LRRIQ1: variants seen among roughly 807,000 people sequenced by gnomAD.
The protein encoded by LRRIQ1 is leucine-rich repeat- and IQ domain-containing protein 1.
Under a neutral mutation model 211.9 loss-of-function variants are expected in LRRIQ1, and 210 were observed. The observed-to-expected ratio is 0.99, with a 90% CI of 0.89 to 1.11. The LOEUF is 1.11. LRRIQ1 is among the 50% of genes most tolerant of loss of function. LRRIQ1 has a pLI of 0.00. For missense variants in LRRIQ1, 2,136 were observed against 1,939.5 expected, an observed-to-expected ratio of 1.10 and a Z score of -1.90; for synonymous variants, 699 against 650.1, an observed-to-expected ratio of 1.08 and a Z score of -1.14.
intron 11 of LRRIQ1, among the ~76,000 whole-genome samples, chr12:85,086,127 C>A (rs1380207123): frequency 6.6e-6 from 1 of 152,166 alleles, no homozygotes; most frequent in Non-Finnish European, 1.5e-5. Context: ...AATGGCCATT[C>A]TGACTAGTGT....
intron 17 of LRRIQ1, among the ~76,000 whole-genome samples, chr12:85,125,875 G>GAACTGAAAATATAGATA (rs1167182497): frequency 2.0e-5 from 3 of 152,074 alleles, no homozygotes; most frequent in Non-Finnish European, 4.4e-5. Flanking sequence ...TAAGGAAGAA[G>GAACTGAAAATATAGATA]AACTGAAAAT....
Position 85,163,173 on chromosome 12 carries a change from A to G in LRRIQ1, c.4822+2459A>G, listed in dbSNP as rs556949300. ...CAGTAGAGAGTGCCTCCTGAACCCA[A>G]TTCTTCTGAGATACAACTTTATTAT... On this transcript the variant is annotated intron_variant, in intron 24 of 26. Transcript: ENST00000393217. Among the ~76,000 whole-genome samples, 6 of 152,264 alleles carry G rather than the reference A, an allele frequency of 3.9e-5. No homozygotes were observed. The East Asian group carries it at 5.8e-4, about 15-fold the overall frequency.
chr12:85,122,690 G>C (rs2136432563), intron 16 of LRRIQ1, among the ~76,000 whole-genome samples: 1 of 152,010 alleles, frequency 6.6e-6, no homozygotes, highest in Non-Finnish European at 1.5e-5. Context: ...TTCGTTTTCT[G>C]TGTAAATATT....
At chr12:85,205,035 G>T (rs771923041) in intron 24 of LRRIQ1, among the ~76,000 whole-genome samples, 97 of 152,208 alleles carry the variant, frequency 6.4e-4, no homozygotes, top group Non-Finnish European at 1.2e-3. Flanking sequence ...AATCAGGGGG[G>T]TGGTTTCTCT....
At position 85,104,089 on chromosome 12, in the gene LRRIQ1, A is replaced by G; in HGVS notation, c.3283+12A>G. 7.5e-7 allele frequency: 1 copy of G among 1,329,076 alleles called. No individual in the cohort carries two copies. Among genetic ancestry groups the G allele is most frequent in the Non-Finnish European group, 1.0e-6 (1 of 993,542 alleles). The allele number at this position is 1,329,076 out of a possible 1,614,324, so 82.3% of individuals were successfully genotyped here. On this transcript the variant is annotated intron_variant, in intron 14 of 26. Coordinates refer to ENST00000393217, the MANE Select transcript of LRRIQ1 (RefSeq NM_001079910.2). ...CAATTGTCTTTCTGGTAAGTTTAGCATAATATATATATTTTAATAATAGAC... is the reference window on the plus strand; with the variant it reads ...CAATTGTCTTTCTGGTAAGTTTAGCGTAATATATATATTTTAATAATAGAC...
rs866877959 is a variant in LRRIQ1 at position 85,057,254 on chromosome 12, T to G, written c.2391+70T>G. On this transcript the variant is annotated intron_variant, in intron 8 of 26. Transcript: ENST00000393217. Reference sequence around the variant, plus strand: ...GCTCTTTAAAGTATAACTTTTCAGATCTTAGAAAAAGAAATATTTTGTATA... The same window carrying G: ...GCTCTTTAAAGTATAACTTTTCAGAGCTTAGAAAAAGAAATATTTTGTATA... 1.5e-5 allele frequency: 16 copies of G among 1,101,228 alleles called. No individual in the cohort carries two copies. In the Middle Eastern group the frequency reaches 7.0e-4, roughly 48 times the overall value. 68.2% of individuals were successfully genotyped at this position (1,101,228 alleles called of 1,614,324 possible).
At chr12:85,036,803 C>T (rs1878162567) in intron 1 of LRRIQ1, among the ~76,000 whole-genome samples, 1 of 151,596 alleles carries the variant, frequency 6.6e-6, no homozygotes, top group Non-Finnish European at 1.5e-5. Flanking sequence ...GATTTCTCTC[C>T]CCTTTCTTTA....
intron 24 of LRRIQ1, among the ~76,000 whole-genome samples, chr12:85,174,987 A>G (rs928645729): frequency 2.0e-5 from 3 of 152,146 alleles, no homozygotes; most frequent in South Asian, 2.1e-4. Flanking sequence ...TATCTAAAAT[A>G]TATTGAATTT....
intron 18 of LRRIQ1, among the ~76,000 whole-genome samples, chr12:85,136,287 C>T (rs1889127680): frequency 6.6e-6 from 1 of 151,942 alleles, no homozygotes; most frequent in Non-Finnish European, 1.5e-5. Context: ...GCCATCATCA[C>T]TTGCCTTTGG....
At chr12:85,262,761 A>G (rs1314483712) in intron 1 of LRRIQ1, among the ~76,000 whole-genome samples, 1 of 152,140 alleles carries the variant, frequency 6.6e-6, no homozygotes, top group African/African-American at 2.4e-5. Flanking sequence ...ATTACTTTGT[A>G]AACAAAAATA....
At chr12:85,268,149 T>A (rs1240962806), downstream of LRRIQ1, among the ~76,000 whole-genome samples, 1 of 151,840 alleles carries the variant, frequency 6.6e-6, no homozygotes, top group Non-Finnish European at 1.5e-5. Context: ...AATATTTCCA[T>A]GAAATGATGG....
At chr12:85,081,008 A>G (rs1565815483) in intron 11 of LRRIQ1, among the ~76,000 whole-genome samples, 4 of 152,126 alleles carry the variant, frequency 2.6e-5, no homozygotes, top group Admixed American at 1.3e-4. Flanking sequence ...AGTTGAATCT[A>G]TACATTGGTA....
chr12:85,172,857 C>T (rs1202110992), intron 24 of LRRIQ1, among the ~76,000 whole-genome samples: 2 of 151,816 alleles, frequency 1.3e-5, no homozygotes. Context: ...ACCTGTAATC[C>T]CAGCACTTTG....
chr12:85,238,556 G>A (rs1179742431), intron 26 of LRRIQ1, among the ~76,000 whole-genome samples: 1 of 151,812 alleles, frequency 6.6e-6, no homozygotes, highest in Non-Finnish European at 1.5e-5. Context: ...TTGACATCCA[G>A]AAGAAAGTGG....
intron 10 of LRRIQ1, among the ~76,000 whole-genome samples, chr12:85,071,928 A>G (rs1883126363): frequency 6.6e-6 from 1 of 152,060 alleles, no homozygotes; most frequent in Admixed American, 6.6e-5. Flanking sequence ...AAGGTGAGAT[A>G]TGGGTGGGGA....
At chr12:85,066,681 G>T in intron 9 of LRRIQ1, 67 bp from the exon 10 acceptor site, 1 of 1,259,372 alleles carries the variant, frequency 7.9e-7, no homozygotes, top group Non-Finnish European at 1.1e-6. Flanking sequence ...TCCTCTTTTT[G>T]AAAGCTTTAA....
At chr12:85,081,125 A>G (rs774406584) in intron 11 of LRRIQ1, among the ~76,000 whole-genome samples, 1 of 152,086 alleles carries the variant, frequency 6.6e-6, no homozygotes, top group Non-Finnish European at 1.5e-5. Context: ...AAAGTAAGGT[A>G]GGGGTTTCTT....
At chr12:85,132,474 A>G (rs1469335375) in intron 18 of LRRIQ1, among the ~76,000 whole-genome samples, 1 of 152,106 alleles carries the variant, frequency 6.6e-6, no homozygotes, top group African/African-American at 2.4e-5. Flanking sequence ...ATACCCAGAT[A>G]TGAAAATCTA....
Position 85,128,006 on chromosome 12 carries a change from G to A in LRRIQ1, c.4182G>A (p.Gln1394=), listed in dbSNP as rs1463562053. The A allele has an allele frequency of 2.5e-6, 4 of 1,611,866 alleles. No homozygotes were observed. Among genetic ancestry groups the A allele is most frequent in the Admixed American group, 1.7e-5 (1 of 60,012 alleles). ...AAAATATTGTGAATATCCGAAAACA[G>A]AGGGAGAAGGCTGCTATTCTTATTC... The part of the protein sequence containing the change: ...KRENIVNIRK[Q]REKAAILIQA... Residue 1394 remains glutamine (Q), a synonymous_variant, in exon 18 of 27, where the codon CAG becomes CAA. Transcript: ENST00000393217.
Sources: gnomAD v4.1 joint callset for allele counts (sites outside exome capture counted in the v4.1 genomes callset) on GRCh38, gnomAD v4.1.1 for gene constraint, MANE v1.5 for transcripts, NCBI Gene and HGNC (gene_info 2026-07-23, HGNC 2026-07-21) for gene names.